The following CAMKMT variants were observed in gnomAD, a reference collection of about 807,000 sequenced individuals.
The protein encoded by CAMKMT is CaM KMT.
A neutral mutation model predicts 48.0 loss-of-function variants in CAMKMT; 53 were observed. That is an observed-to-expected ratio of 1.10 (90% CI 0.89 to 1.39). The LOEUF (loss-of-function observed/expected upper bound fraction) is 1.39. Ranked by LOEUF, CAMKMT falls within the 40% of genes most tolerant of loss-of-function variation. CAMKMT has a pLI of 0.00. For missense variants in CAMKMT, 428 were observed against 402.7 expected, an observed-to-expected ratio of 1.06 and a Z score of -0.54; for synonymous variants, 165 against 152.3, an observed-to-expected ratio of 1.08 and a Z score of -0.61.
chr2:44,522,922 G>C (rs35263297), intron 3 of CAMKMT, among the ~76,000 whole-genome samples: 74,112 of 151,932 alleles, frequency 0.49, 19,232 homozygotes, highest in Non-Finnish European at 0.58. Context: ...AATTTATTAA[G>C]TACATTTCCT....
rs1477363234 is a variant in CAMKMT at position 44,382,083 on chromosome 2, A to C, written c.312-8158A>C. On this transcript the variant is annotated intron_variant, in intron 2 of 10. Coordinates refer to ENST00000378494, the MANE Select transcript of CAMKMT (RefSeq NM_024766.5). ...CAGCCTCCTGAGTAGTTGGGATTAC[A>C]GACGCCTGCCACTACACCTGGCTAA... Among the ~76,000 whole-genome samples, 8 of 151,844 alleles carry C rather than the reference A, an allele frequency of 5.3e-5. No homozygotes were observed. The East Asian group carries it at 1.5e-3, about 29-fold the overall frequency.
intron 2 of CAMKMT, among the ~76,000 whole-genome samples, chr2:44,378,235 T>G (rs1163093240): frequency 6.6e-6 from 1 of 152,232 alleles, no homozygotes; most frequent in Non-Finnish European, 1.5e-5. Flanking sequence ...CTTAGTTTTC[T>G]AATTTGTTTT....
chr2:44,483,544 T>C (rs1266537636), intron 3 of CAMKMT, among the ~76,000 whole-genome samples: 1 of 152,138 alleles, frequency 6.6e-6, no homozygotes, highest in Non-Finnish European at 1.5e-5. Flanking sequence ...GTATCCTAAA[T>C]CCTTGACTTC....
intron 3 of CAMKMT, among the ~76,000 whole-genome samples, chr2:44,525,298 C>G (rs1173457095): frequency 1.3e-5 from 2 of 151,992 alleles, no homozygotes; most frequent in Non-Finnish European, 2.9e-5. Context: ...CTCTATTGCC[C>G]AGGCTGGAGT....
intron 3 of CAMKMT, among the ~76,000 whole-genome samples, chr2:44,415,141 C>A (rs1182668521): frequency 6.6e-6 from 1 of 152,048 alleles, no homozygotes; most frequent in Non-Finnish European, 1.5e-5. Flanking sequence ...TAGAGTGAGA[C>A]TCCGTCTCGG....
chr2:44,534,057 C>G (rs868110903), intron 3 of CAMKMT, among the ~76,000 whole-genome samples: 2 of 151,898 alleles, frequency 1.3e-5, no homozygotes, highest in African/African-American at 4.8e-5. Flanking sequence ...CAAACAGAAA[C>G]CAAAAGCAAG....
At chr2:44,737,290 A>AT (rs926443573) in intron 7 of CAMKMT, among the ~76,000 whole-genome samples, 7 of 151,822 alleles carry the variant, frequency 4.6e-5, no homozygotes, top group Admixed American at 1.3e-4. Flanking sequence ...TAATTTTTGT[A>AT]TTTTTTTGTA....
intron 3 of CAMKMT, among the ~76,000 whole-genome samples, chr2:44,677,305 A>G (rs1675759365): frequency 6.6e-6 from 1 of 152,128 alleles, no homozygotes; most frequent in Non-Finnish European, 1.5e-5. Flanking sequence ...GTCACCAAAC[A>G]TCTCTTCCCT....
intron 8 of CAMKMT, among the ~76,000 whole-genome samples, chr2:44,753,845 A>G (rs982371058): frequency 3.3e-5 from 5 of 152,344 alleles, no homozygotes; most frequent in Non-Finnish European, 2.9e-5. Context: ...GGCCCATTGC[A>G]TGTTGACAAC....
At chr2:44,467,386 G>A (rs574048912) in intron 3 of CAMKMT, among the ~76,000 whole-genome samples, 5 of 151,998 alleles carry the variant, frequency 3.3e-5, no homozygotes, top group African/African-American at 7.2e-5. Context: ...ACAAAAATTA[G>A]CCAGGCATGG....
intron 3 of CAMKMT, among the ~76,000 whole-genome samples, chr2:44,466,373 G>A (rs1216636521): frequency 6.6e-6 from 1 of 152,076 alleles, no homozygotes; most frequent in Non-Finnish European, 1.5e-5. Context: ...CATCAAAAGG[G>A]AAACTGGAAA....
chr2:44,770,808 A>T (rs1350148804), intron 10 of CAMKMT, among the ~76,000 whole-genome samples: 1 of 152,244 alleles, frequency 6.6e-6, no homozygotes, highest in African/African-American at 2.4e-5. Flanking sequence ...GCAAAAATCC[A>T]CAAGGATCTT....
intron 8 of CAMKMT, among the ~76,000 whole-genome samples, chr2:44,745,367 T>G (rs1219837278): frequency 6.6e-6 from 1 of 152,168 alleles, no homozygotes. Flanking sequence ...GGAAGTAAGA[T>G]TTAAGCTCTT....
Position 44,630,757 on chromosome 2 carries a change from G to C in CAMKMT, c.377-73526G>C, listed in dbSNP as rs565171970. ...AAAAGTCAGGAAACAACAGGTGCTG[G>C]AGAGGATGTGGAGAAATAGGAACAC... On this transcript the variant is annotated intron_variant, in intron 3 of 10. Transcript: ENST00000378494. 3.5e-3 allele frequency among the ~76,000 whole-genome samples: 527 copies of C among 151,004 alleles called. 4 individuals carry two copies. The highest frequency in any genetic ancestry group is 0.012 in the African/African-American group (504 of 41,172).
At chr2:44,688,239 A>G (rs978186595) in intron 3 of CAMKMT, among the ~76,000 whole-genome samples, 1 of 152,148 alleles carries the variant, frequency 6.6e-6, no homozygotes, top group Admixed American at 6.5e-5. Flanking sequence ...GGTTGGAGAC[A>G]TTTGTAGATG....
intron 3 of CAMKMT, among the ~76,000 whole-genome samples, chr2:44,597,465 C>T (rs6751281): frequency 0.62 from 94,144 of 151,994 alleles, 29,699 homozygotes; most frequent in Admixed American, 0.7. Flanking sequence ...AACTCTTTGT[C>T]AATCCTAATT....
At chr2:44,500,137 C>G (rs889366606) in intron 3 of CAMKMT, among the ~76,000 whole-genome samples, 3 of 152,100 alleles carry the variant, frequency 2.0e-5, no homozygotes, top group African/African-American at 7.2e-5. Context: ...CACAGAACCA[C>G]AGAATATAAG....
intron 2 of CAMKMT, among the ~76,000 whole-genome samples, chr2:44,380,426 T>G (rs771432566): frequency 6.6e-6 from 1 of 152,190 alleles, no homozygotes. Flanking sequence ...AATTTAAGTT[T>G]GAGCAGTTTC....
At chr2:44,547,305 C>T (rs1558693285) in intron 3 of CAMKMT, among the ~76,000 whole-genome samples, 1 of 152,062 alleles carries the variant, frequency 6.6e-6, no homozygotes, top group Non-Finnish European at 1.5e-5. Context: ...AAAGACAGTA[C>T]CTCAGCAGGG....
Sources: gnomAD v4.1 joint callset for allele counts (sites outside exome capture counted in the v4.1 genomes callset) on GRCh38, gnomAD v4.1.1 for gene constraint, MANE v1.5 for transcripts, NCBI Gene and HGNC (gene_info 2026-07-23, HGNC 2026-07-21) for gene names.